The following NFAT5 variants were observed in gnomAD, a reference collection of about 807,000 sequenced individuals.
NFAT5 encodes the protein nuclear factor of activated T cells 5, also known as nuclear factor of activated T-cells 5.
In NFAT5, 31 loss-of-function variants were observed where a neutral mutation model predicts 166.5. The observed-to-expected ratio is 0.19, with a 90% CI of 0.14 to 0.25. NFAT5 has a LOEUF of 0.25. Among genes scored for constraint, NFAT5 ranks in the 10% least tolerant of loss-of-function variants. The pLI, the probability that NFAT5 is intolerant of heterozygous loss-of-function variation, is 1.00. For synonymous variants in NFAT5, 612 were observed against 639.7 expected, an observed-to-expected ratio of 0.96 and a Z score of 0.65; for missense variants, 1,449 against 1,821.8, an observed-to-expected ratio of 0.80 and a Z score of 3.72.
intron 2 of NFAT5, among the ~76,000 whole-genome samples, chr16:69,573,951 G>T (rs942264516): frequency 6.9e-6 from 1 of 144,492 alleles, no homozygotes. Flanking sequence ...TCAGCTCACC[G>T]CAACTTCACC....
rs757564259 is a variant in NFAT5, at chr16:69,670,265, A to G, written c.1534A>G (p.Ile512Val). The change falls in exon 9 of 15, where the codon ATT (isoleucine) becomes GTT (valine). Residue 512 changes from isoleucine to valine, a missense_variant. Ile to Val is a conservative substitution (Grantham distance 29). This residue lies in a region of NFAT5 where 245 missense variants were observed against 366.6 expected (regional missense o/e 0.67). Transcript: ENST00000349945. The stretch of plus-strand genomic sequence containing the variant: ...AAACTCTTGGAAGTCAGAAGCTGAA[A>G]TTGATATGGAACTATTTCATCAGGT... Reference protein sequence around the residue: ...DENSWKSEAEIDMELFHQNHL... With the variant: ...DENSWKSEAEVDMELFHQNHL... 4 of 1,588,128 alleles carry G rather than the reference A, an allele frequency of 2.5e-6. No homozygotes were observed. Among genetic ancestry groups the G allele is most frequent in the South Asian group, 1.2e-5 (1 of 86,486 alleles).
intron 2 of NFAT5, among the ~76,000 whole-genome samples, chr16:69,624,142 A>T (rs1184034365): frequency 6.6e-6 from 1 of 152,168 alleles, no homozygotes; most frequent in East Asian, 1.9e-4. Flanking sequence ...TTGCCACATG[A>T]TTTGAAGATG....
intron 2 of NFAT5, among the ~76,000 whole-genome samples, chr16:69,598,694 G>T (rs2032952579): frequency 6.6e-6 from 1 of 152,064 alleles, no homozygotes; most frequent in African/African-American, 2.4e-5. Flanking sequence ...TTCATATTCT[G>T]GTGGTTGGAA....
intron 3 of NFAT5, among the ~76,000 whole-genome samples, chr16:69,638,735 CAA>C (rs34075469): frequency 5.9e-4 from 52 of 88,168 alleles, no homozygotes; most frequent in African/African-American, 1.8e-3. Context: ...GACTCGGTCT[CAA>C]AAAAAAAAAA....
chr16:69,597,829 G>A (rs554634428), intron 2 of NFAT5, among the ~76,000 whole-genome samples: 2 of 152,052 alleles, frequency 1.3e-5, no homozygotes, highest in Admixed American at 6.5e-5. Flanking sequence ...TCCTGACCTC[G>A]TGATCCACCT....
intron 2 of NFAT5, among the ~76,000 whole-genome samples, chr16:69,590,679 T>C (rs1282990141): frequency 6.6e-6 from 1 of 152,206 alleles, no homozygotes; most frequent in Non-Finnish European, 1.5e-5. Context: ...CCTAACAGTT[T>C]AGTTGTTCAG....
intron 3 of NFAT5, among the ~76,000 whole-genome samples, chr16:69,632,738 T>C (rs377203458): frequency 2.6e-5 from 4 of 152,316 alleles, no homozygotes; most frequent in African/African-American, 7.2e-5. Flanking sequence ...TAATGTAGTA[T>C]ACTCTTCATG....
chr16:69,608,530 G>A (rs1461139415), intron 2 of NFAT5, among the ~76,000 whole-genome samples: 1 of 152,098 alleles, frequency 6.6e-6, no homozygotes, highest in East Asian at 1.9e-4. Flanking sequence ...GCCGAGGCGG[G>A]CGGATCACGA....
At chr16:69,616,644 G>T (rs867587526) in intron 2 of NFAT5, among the ~76,000 whole-genome samples, 2 of 151,988 alleles carry the variant, frequency 1.3e-5, no homozygotes, top group Admixed American at 6.6e-5. Flanking sequence ...ATCCCAACCT[G>T]AGCCATCCTC....
Position 69,626,484 on chromosome 16 carries a change from G to A in NFAT5, c.209G>A (p.Ser70Asn), listed in dbSNP as rs772357425. ...ETSVASMSQT[S>N]GGEAGSPPPA... ...TCTGTAGCATCAATGAGTCAGACAAGCGGTGGTGAGGCAGGCTCGCCTCCT... is the reference window on the plus strand; with the variant it reads ...TCTGTAGCATCAATGAGTCAGACAAACGGTGGTGAGGCAGGCTCGCCTCCT... The change falls in exon 3 of 15, where the codon AGC becomes AAC. Residue 70 changes from serine (S) to asparagine (N), a missense_variant. Transcript: ENST00000349945. 6.3e-7 allele frequency: 1 copy of A among 1,588,984 alleles called. No individual in the cohort carries two copies. Among genetic ancestry groups the A allele is most frequent in the Non-Finnish European group, 8.6e-7 (1 of 1,168,408 alleles).
intron 11 of NFAT5, among the ~76,000 whole-genome samples, chr16:69,686,462 G>A (rs2037309504): frequency 6.6e-6 from 1 of 152,164 alleles, no homozygotes; most frequent in African/African-American, 2.4e-5. Context: ...GGTCGAAGGT[G>A]CATTGAGCTG....
intron 11 of NFAT5, among the ~76,000 whole-genome samples, chr16:69,688,213 A>ACAAACG (rs1389730091): frequency 1.0e-5 from 1 of 95,856 alleles, no homozygotes; most frequent in Admixed American, 1.0e-4. Context: ...AAAAAAAAAA[A>ACAAACG]AAAAAAAAAA....
intron 2 of NFAT5, among the ~76,000 whole-genome samples, chr16:69,593,548 C>T (rs1057444490): frequency 6.6e-6 from 1 of 151,658 alleles, no homozygotes; most frequent in African/African-American, 2.4e-5. Flanking sequence ...CTTCTGGGCT[C>T]AAGTGATCCT....
At chr16:69,687,436 G>GAA (rs374420987) in intron 11 of NFAT5, among the ~76,000 whole-genome samples, 201 of 85,266 alleles carry the variant, frequency 2.4e-3, no homozygotes, top group Middle Eastern at 0.014. Context: ...GCAAGACTCT[G>GAA]AAAAAAAAAA....
chr16:69,588,519 T>TTTAC (rs972703156), intron 2 of NFAT5, among the ~76,000 whole-genome samples: 49 of 152,110 alleles, frequency 3.2e-4, no homozygotes, highest in African/African-American at 8.9e-4. Flanking sequence ...ACCACACTTA[T>TTTAC]TTGTGTGTAA....
chr16:69,619,405 C>T (rs563206766), intron 2 of NFAT5, among the ~76,000 whole-genome samples: 1 of 152,252 alleles, frequency 6.6e-6, no homozygotes, highest in East Asian at 1.9e-4. Flanking sequence ...TGTAGCTCAG[C>T]TTATTTCTAC....
chr16:69,653,241 T>G lies in NFAT5; in HGVS notation c.818T>G (p.Leu273Trp). The G allele has an allele frequency of 3.8e-6, 6 of 1,568,142 alleles. No homozygotes were observed. The highest frequency in any genetic ancestry group is 5.1e-6 in the Non-Finnish European group (6 of 1,165,830). ...KGNSKAGNGT[L>W]ENQKGTGVKK... ...GTTGTGCTTTGATTTCTCAGAACAT[T>G]GGAAAACCAAAAAGGAACTGGAGTA... The change falls in exon 5 of 15, where the codon TTG becomes TGG. Residue 273 changes from leucine to tryptophan, a missense_variant. This residue lies in a region of NFAT5 where 115 missense variants were observed against 177.1 expected (regional missense o/e 0.65). Coordinates refer to ENST00000349945, the MANE Select transcript of NFAT5 (RefSeq NM_138713.4).
chr16:69,638,735 CAAAAA>C (rs34075469), intron 3 of NFAT5, among the ~76,000 whole-genome samples: 2 of 88,180 alleles, frequency 2.3e-5, no homozygotes, highest in East Asian at 2.8e-4. Context: ...GACTCGGTCT[CAAAAA>C]AAAAAAAAAA....
chr16:69,609,725 A>G (rs568427741), intron 2 of NFAT5, among the ~76,000 whole-genome samples: 3 of 151,206 alleles, frequency 2.0e-5, no homozygotes, highest in African/African-American at 7.3e-5. Flanking sequence ...TCACACCTGT[A>G]ATACCGGCAC....
Sources: allele counts gnomAD v4.1 joint callset (sites outside exome capture counted in the v4.1 genomes callset), GRCh38; gene constraint gnomAD v4.1.1; regional missense constraint gnomAD v4.1.1; transcripts MANE v1.5; gene names NCBI Gene and HGNC (gene_info 2026-07-23, HGNC 2026-07-21).